The following TENM3 variants were observed in gnomAD, a reference collection of about 807,000 sequenced individuals.
TENM3 encodes the protein teneurin-3.
Under a neutral mutation model 255.1 loss-of-function variants are expected in TENM3, and 63 were observed. The observed-to-expected ratio is 0.25, with a 90% CI of 0.20 to 0.30. The LOEUF is 0.30. Ranked by LOEUF, TENM3 falls within the 10% of genes least tolerant of loss-of-function variation. The pLI, the probability that TENM3 is intolerant of heterozygous loss-of-function variation, is 1.00. For missense variants in TENM3, 2,929 were observed against 3,461.1 expected, an observed-to-expected ratio of 0.85 and a Z score of 3.86; for synonymous variants, 1,306 against 1,322.3, an observed-to-expected ratio of 0.99 and a Z score of 0.27.
chr4:182,334,673 TAAAAC>T (rs1366765563), intron 2 of TENM3, among the ~76,000 whole-genome samples: 1 of 150,878 alleles, frequency 6.6e-6, no homozygotes, highest in Non-Finnish European at 1.5e-5. Context: ...AAATTTAACA[TAAAAC>T]AAAAAAAAGG....
intron 3 of TENM3, among the ~76,000 whole-genome samples, chr4:182,439,463 C>T (rs968941396): frequency 6.6e-6 from 1 of 152,148 alleles, no homozygotes; most frequent in Non-Finnish European, 1.5e-5. Flanking sequence ...AATGGAAATA[C>T]GGTTTTCTAC....
chr4:182,256,727 T>G (rs2057969303), intron 1 of TENM3, among the ~76,000 whole-genome samples: 1 of 152,190 alleles, frequency 6.6e-6, no homozygotes, highest in Admixed American at 6.5e-5. Flanking sequence ...TTTAAATTTT[T>G]TAATGAATTT....
At chr4:181,553,593 C>T in the TENM3 span, among the ~76,000 whole-genome samples, 4 of 151,898 alleles carry the variant, frequency 2.6e-5, no homozygotes, top group East Asian at 1.9e-4. Context: ...GGGTGCCTGC[C>T]ACCACGCCCG....
chr4:181,847,404 CA>C, the TENM3 span, among the ~76,000 whole-genome samples: 1 of 152,070 alleles, frequency 6.6e-6, no homozygotes, highest in Non-Finnish European at 1.5e-5. Flanking sequence ...GAGGAGGTAT[CA>C]TTTGCATTGG....
intron 2 of TENM3, among the ~76,000 whole-genome samples, chr4:182,331,102 A>C (rs1466698852): frequency 6.6e-6 from 1 of 152,214 alleles, no homozygotes; most frequent in African/African-American, 2.4e-5. Context: ...CCACCTAATT[A>C]GCAGTGAGGA....
chr4:181,898,278 A>G, the TENM3 span, among the ~76,000 whole-genome samples: 1 of 152,054 alleles, frequency 6.6e-6, no homozygotes, highest in Non-Finnish European at 1.5e-5. Flanking sequence ...ACACACACAC[A>G]CACACACCTT....
At chr4:182,480,754 T>C (rs1025590617) in intron 3 of TENM3, among the ~76,000 whole-genome samples, 15 of 152,072 alleles carry the variant, frequency 9.9e-5, no homozygotes, top group Non-Finnish European at 2.2e-4. Context: ...TTTCTTAGGC[T>C]TCTTGTATTT....
Position 182,340,446 on chromosome 4 carries a change from G to A in TENM3, c.233-6205G>A, listed in dbSNP as rs961491315. ...ACATATTAATAGATAAATCAAGTAA[G>A]TAGTTGAAATGGGGTGGGGACCTTA... On this transcript the variant is annotated intron_variant, in intron 2 of 27. Transcript: ENST00000511685. 2.0e-5 allele frequency among the ~76,000 whole-genome samples: 3 copies of A among 152,268 alleles called. No homozygotes were observed. The South Asian group carries it at 6.2e-4, about 32-fold the overall frequency.
chr4:182,022,967 T>C, the TENM3 span, among the ~76,000 whole-genome samples: 1 of 152,220 alleles, frequency 6.6e-6, no homozygotes, highest in Non-Finnish European at 1.5e-5. Flanking sequence ...TTTTTTCAAA[T>C]ATAAAAGCTT....
intron 3 of TENM3, among the ~76,000 whole-genome samples, chr4:182,394,812 G>A (rs1463649303): frequency 2.0e-5 from 3 of 152,220 alleles, no homozygotes; most frequent in East Asian, 1.9e-4. Context: ...TCAAGTATTC[G>A]CTAATGTGGC....
At chr4:182,482,198 A>T (rs1032484019) in intron 3 of TENM3, among the ~76,000 whole-genome samples, 1 of 152,214 alleles carries the variant, frequency 6.6e-6, no homozygotes, top group African/African-American at 2.4e-5. Context: ...AGAATCACTC[A>T]CTGAAAAATA....
At chr4:181,508,871 C>T in the TENM3 span, among the ~76,000 whole-genome samples, 4 of 138,002 alleles carry the variant, frequency 2.9e-5, no homozygotes, top group Admixed American at 7.6e-5. Context: ...TCAAGAGTGA[C>T]GATGGGGATT....
intron 3 of TENM3, among the ~76,000 whole-genome samples, chr4:182,485,446 A>G (rs1580711856): frequency 6.6e-6 from 1 of 152,272 alleles, no homozygotes; most frequent in African/African-American, 2.4e-5. Flanking sequence ...ATTATACCCA[A>G]TTTCAATCCT....
At chr4:182,676,664 T>A (rs534278184) in intron 7 of TENM3, among the ~76,000 whole-genome samples, 1 of 152,320 alleles carries the variant, frequency 6.6e-6, no homozygotes, top group African/African-American at 2.4e-5. Flanking sequence ...CAAAATCTAT[T>A]TGTTTTTAAA....
the TENM3 span, among the ~76,000 whole-genome samples, chr4:182,053,366 T>C: frequency 1.3e-5 from 2 of 152,196 alleles, no homozygotes; most frequent in Non-Finnish European, 2.9e-5. Flanking sequence ...AAATGCCCAA[T>C]ATTTTGAAAT....
chr4:181,525,383 C>G, the TENM3 span, among the ~76,000 whole-genome samples: 6 of 105,226 alleles, frequency 5.7e-5, no homozygotes, highest in East Asian at 2.1e-3. Context: ...GGCGGTAGAG[C>G]AAGACCCTGT....
In TENM3 at chr4:182,149,422, A is replaced by T. The variant is rs148971882; in HGVS notation, c.-76+4668A>T. 1.4e-4 allele frequency among the ~76,000 whole-genome samples: 22 copies of T among 152,168 alleles called. 1 individual carries two copies. The highest frequency in any genetic ancestry group is 4.6e-4 in the African/African-American group (19 of 41,558). On this transcript the variant is annotated intron_variant, in intron 1 of 2. Coordinates refer to the TENM3 transcript ENST00000512480. ...ACCCAGGTGATTGCCTAGCTAGAAC[A>T]GCTACATGGAATTTACTAAAAATAG...
intron 22 of TENM3, among the ~76,000 whole-genome samples, chr4:182,770,825 C>T (rs1160226667): frequency 6.6e-5 from 10 of 152,174 alleles, no homozygotes; most frequent in Admixed American, 1.3e-4. Context: ...TGTTGGGTGC[C>T]GGGTTAGATA....
In TENM3 at chr4:182,784,275, G is replaced by C. The variant is rs368661571; in HGVS notation, c.5305-4818G>C. Among the ~76,000 whole-genome samples the C allele has an allele frequency of 3.9e-3, 586 of 151,628 alleles. 2 individuals carry two copies. The highest frequency in any genetic ancestry group is 8.8e-3 in the African/African-American group (366 of 41,360). ...GTTTGTTAGTTTTCCTTCTAACAGA[G>C]AGGACCCTCAGCTGCAGGTCTGTTG... On this transcript the variant is annotated intron_variant, in intron 24 of 27. Coordinates refer to ENST00000511685, the MANE Select transcript of TENM3 (RefSeq NM_001080477.4).
Sources: gnomAD v4.1 joint callset for allele counts (sites outside exome capture counted in the v4.1 genomes callset) on GRCh38, gnomAD v4.1.1 for gene constraint, MANE v1.5 for transcripts, NCBI Gene and HGNC (gene_info 2026-07-23, HGNC 2026-07-21) for gene names.